The following TFAP2D variants were observed in gnomAD, a reference collection of about 807,000 sequenced individuals.
TFAP2D encodes transcription factor AP-2 delta.
TFAP2D carries 9 observed loss-of-function variants against 43.6 expected under a neutral mutation model. The ratio of observed to expected loss-of-function variants is 0.21; its 90% confidence interval spans 0.12 to 0.36. The LOEUF (loss-of-function observed/expected upper bound fraction) is 0.36, where lower values mean the gene tolerates loss of function less well. Ranked by LOEUF, TFAP2D falls within the 10% of genes least tolerant of loss-of-function variation. The pLI is 1.00. For synonymous variants in TFAP2D, 256 were observed against 224.9 expected (o/e 1.14, Z -1.24); for missense variants, 513 against 561.4 (o/e 0.91, Z 0.87).
At chr6:50,729,680 A>G (rs1768858212) in intron 5 of TFAP2D, among the ~76,000 whole-genome samples, 1 of 152,154 alleles carries the variant, frequency 6.6e-6, no homozygotes, top group South Asian at 2.1e-4. Flanking sequence ...ATTCAGTACA[A>G]CATGATCTAC....
chr6:50,738,061 G>C (rs1018385550), intron 5 of TFAP2D, among the ~76,000 whole-genome samples: 2 of 152,116 alleles, frequency 1.3e-5, no homozygotes, highest in African/African-American at 2.4e-5. Context: ...TGACATTATA[G>C]TACTTTCCTG....
chr6:50,726,891 A>T (rs999270477), intron 3 of TFAP2D, among the ~76,000 whole-genome samples: 2 of 152,230 alleles, frequency 1.3e-5, no homozygotes, highest in African/African-American at 4.8e-5. Flanking sequence ...AGGGGGAAGT[A>T]CAGGAGAATT....
rs545808284 is a variant in TFAP2D at position 50,772,179 on chromosome 6, G to A, written c.1140-466G>A. 4.7e-3 allele frequency among the ~76,000 whole-genome samples: 710 copies of A among 152,142 alleles called. 3 individuals are homozygous for A. The highest frequency in any genetic ancestry group is 0.016 in the African/African-American group (645 of 41,502). On this transcript the variant is annotated intron_variant, in intron 7 of 7. Transcript: ENST00000008391. ...ACACTGCATGTTCTCACTCATAGGT[G>A]GGAATTGAACAATGAGAACACTTGG...
intron 3 of TFAP2D, among the ~76,000 whole-genome samples, chr6:50,721,881 A>G (rs1768729777): frequency 6.6e-6 from 1 of 152,232 alleles, no homozygotes; most frequent in Non-Finnish European, 1.5e-5. Flanking sequence ...CCACTTCCAA[A>G]GACCCCAAAT....
At chr6:50,744,260 C>T (rs959649384) in intron 5 of TFAP2D, among the ~76,000 whole-genome samples, 2 of 152,100 alleles carry the variant, frequency 1.3e-5, no homozygotes, top group Non-Finnish European at 2.9e-5. Context: ...CATGTGTTCT[C>T]ATTGTTAAGC....
Position 50,745,729 on chromosome 6 carries a change from C to T in TFAP2D, c.1025+481C>T, listed in dbSNP as rs144219831. 3.9e-5 allele frequency among the ~76,000 whole-genome samples: 6 copies of T among 152,118 alleles called. No individual in the cohort carries two copies. In the East Asian group the frequency reaches 1.2e-3, roughly 29 times the overall value. Reference sequence around the variant, plus strand: ...CAAGGATCACCATGAGTGTCCCCATCCTCTCTTGTGTATGAGTAAGTAAAT... The same window carrying T: ...CAAGGATCACCATGAGTGTCCCCATTCTCTCTTGTGTATGAGTAAGTAAAT... On this transcript the variant is annotated intron_variant, in intron 6 of 7. Coordinates refer to ENST00000008391, the MANE Select transcript of TFAP2D (RefSeq NM_172238.4).
chr6:50,758,901 C>A (rs1193555478), intron 7 of TFAP2D, among the ~76,000 whole-genome samples: 2 of 151,874 alleles, frequency 1.3e-5, no homozygotes, highest in Non-Finnish European at 2.9e-5. Context: ...CAAGGAAATG[C>A]AAAGATGGGC....
intron 7 of TFAP2D, among the ~76,000 whole-genome samples, chr6:50,751,913 ATTACT>A (rs1416143422): frequency 2.0e-5 from 3 of 152,134 alleles, no homozygotes; most frequent in East Asian, 1.9e-4. Flanking sequence ...TTAGGAAATC[ATTACT>A]TTACAAAAAT....
chr6:50,750,250 G>T (rs868845073), intron 6 of TFAP2D, among the ~76,000 whole-genome samples: 1 of 151,764 alleles, frequency 6.6e-6, no homozygotes. Context: ...TGTTTACATT[G>T]ATAATCAAAG....
intron 7 of TFAP2D, among the ~76,000 whole-genome samples, chr6:50,765,617 T>C (rs1769430328): frequency 6.6e-6 from 1 of 152,234 alleles, no homozygotes; most frequent in African/African-American, 2.4e-5. Flanking sequence ...TTAGTGATGT[T>C]TAGCATCTGT....
chr6:50,733,543 T>C (rs1768922152), intron 5 of TFAP2D, among the ~76,000 whole-genome samples: 2 of 152,118 alleles, frequency 1.3e-5, no homozygotes, highest in African/African-American at 4.8e-5. Context: ...AACTATTCTC[T>C]CTAGAAAACA....
At chr6:50,750,201 T>C (rs2113885538) in intron 6 of TFAP2D, among the ~76,000 whole-genome samples, 1 of 152,100 alleles carries the variant, frequency 6.6e-6, no homozygotes, top group Admixed American at 6.6e-5. Flanking sequence ...GCCGGGTTCA[T>C]ATTCACTTGA....
chr6:50,757,839 A>AG (rs1435042633), intron 7 of TFAP2D, among the ~76,000 whole-genome samples: 5 of 133,268 alleles, frequency 3.8e-5, no homozygotes, highest in South Asian at 4.4e-4. Flanking sequence ...TTATATATAT[A>AG]AATATATAAA....
intron 7 of TFAP2D, 141 bp downstream of exon 7, chr6:50,751,465 C>T (rs1234061534): frequency 5.4e-6 from 3 of 560,162 alleles, no homozygotes; most frequent in Non-Finnish European, 9.6e-6. Context: ...AACAAAATAC[C>T]TTAGACTGGG....
intron 5 of TFAP2D, 123 bp from the exon 6 acceptor site, chr6:50,744,984 G>A: frequency 7.9e-7 from 1 of 1,265,852 alleles, no homozygotes; most frequent in Non-Finnish European, 1.1e-6. Context: ...TTCTTGAATA[G>A]TTTAAGTAGG....
intron 7 of TFAP2D, among the ~76,000 whole-genome samples, chr6:50,763,097 C>T (rs934699231): frequency 4.4e-4 from 67 of 152,130 alleles, no homozygotes; most frequent in African/African-American, 1.6e-3. Flanking sequence ...CCTTAATCTC[C>T]CCTAAATTTC....
chr6:50,751,252 G>T lies in TFAP2D; in HGVS notation c.1067G>T (p.Arg356Ile). 1 of 1,611,552 alleles carries T rather than the reference G, an allele frequency of 6.2e-7. No individual in the cohort carries two copies. ...KEFQDLLSQD[R>I]SPLGSSRPTP... is the part of the protein sequence containing the mutation. Reference sequence around the variant, plus strand: ...TTCCAAGACCTCTTGAGCCAAGATAGATCACCACTGGGATCCTCCAGACCC... The same window carrying T: ...TTCCAAGACCTCTTGAGCCAAGATATATCACCACTGGGATCCTCCAGACCC... Residue 356 changes from arginine (R) to isoleucine (I), a missense_variant, in exon 7 of 8, where the codon AGA becomes ATA. Coordinates refer to ENST00000008391, the MANE Select transcript of TFAP2D (RefSeq NM_172238.4).
At chr6:50,763,776 A>G (rs1317714511) in intron 7 of TFAP2D, among the ~76,000 whole-genome samples, 2 of 152,148 alleles carry the variant, frequency 1.3e-5, no homozygotes, top group Non-Finnish European at 2.9e-5. Context: ...TTCATGATTC[A>G]GTTTATATGA....
intron 5 of TFAP2D, among the ~76,000 whole-genome samples, chr6:50,737,436 T>C (rs1239922194): frequency 6.6e-6 from 1 of 151,988 alleles, no homozygotes; most frequent in African/African-American, 2.4e-5. Flanking sequence ...AGGCAAAGAG[T>C]AATTTTACTT....
Sources: gnomAD v4.1 joint callset for allele counts (sites outside exome capture counted in the v4.1 genomes callset) on GRCh38, gnomAD v4.1.1 for gene constraint, MANE v1.5 for transcripts, NCBI Gene and HGNC (gene_info 2026-07-23, HGNC 2026-07-21) for gene names.